The following ITIH5 variants were observed in gnomAD, a reference collection of about 807,000 sequenced individuals.
ITIH5 encodes the protein inter-alpha-trypsin inhibitor heavy chain 5.
In ITIH5, 65 loss-of-function variants were observed where a neutral mutation model predicts 77.5. The observed-to-expected ratio is 0.84, with a 90% CI of 0.69 to 1.03. ITIH5 has a LOEUF of 1.03. Ranked by LOEUF, ITIH5 falls within the 50% of genes least tolerant of loss-of-function variation. ITIH5 has a pLI of 0.00. For synonymous variants in ITIH5, 525 were observed against 494.3 expected, an observed-to-expected ratio of 1.06 and a Z score of -0.82; for missense variants, 1,208 against 1,213.1, an observed-to-expected ratio of 1.00 and a Z score of 0.06.
At chr10:7,662,136 T>C (rs1292401926) in intron 1 of ITIH5, among the ~76,000 whole-genome samples, 1 of 152,160 alleles carries the variant, frequency 6.6e-6, no homozygotes, top group Non-Finnish European at 1.5e-5. Flanking sequence ...GGCAGGCCGA[T>C]CATCTGAGAT....
At chr10:7,583,112 C>A (rs562456944) in intron 8 of ITIH5, among the ~76,000 whole-genome samples, 2 of 152,186 alleles carry the variant, frequency 1.3e-5, no homozygotes, top group Admixed American at 6.5e-5. Flanking sequence ...AACACATATA[C>A]CTACTCTGGA....
At chr10:7,596,069 C>T (rs1832889034) in intron 7 of ITIH5, among the ~76,000 whole-genome samples, 1 of 152,202 alleles carries the variant, frequency 6.6e-6, no homozygotes, top group African/African-American at 2.4e-5. Context: ...TCCATCCCTT[C>T]AGTACAGCTG....
At chr10:7,636,985 A>C (rs1174625445) in intron 5 of ITIH5, among the ~76,000 whole-genome samples, 4 of 152,194 alleles carry the variant, frequency 2.6e-5, no homozygotes, top group Admixed American at 2.6e-4. Flanking sequence ...CGGGAGGCGG[A>C]GGTTGCAGTG....
chr10:7,586,114 G>A (rs772006213), intron 7 of ITIH5, 45 bp from the exon 8 acceptor site: 2 of 1,539,792 alleles, frequency 1.3e-6, no homozygotes, highest in South Asian at 2.5e-5. Flanking sequence ...GCTCACATAA[G>A]TCCACTTGTC....
Position 7,567,283 on chromosome 10 carries a change from AC to A in ITIH5, c.2150-877del, listed in dbSNP as rs978562070. Among the ~76,000 whole-genome samples, 12 of 151,560 alleles carry A rather than the reference AC, an allele frequency of 7.9e-5. No individual in the cohort carries two copies. The South Asian group carries it at 2.5e-3, about 32-fold the overall frequency. On this transcript the variant is annotated intron_variant, in intron 12 of 13. Transcript: ENST00000397146. ...TATATGACCCTGATACATATTTTGT[AC>A]CTACCAGAGGCTGCTGATCCTAATT...
At chr10:7,649,338 G>A (rs1834056921) in intron 2 of ITIH5, among the ~76,000 whole-genome samples, 1 of 147,428 alleles carries the variant, frequency 6.8e-6, no homozygotes, top group South Asian at 2.1e-4. Flanking sequence ...CTTCTTCTTT[G>A]CATTAGAAAG....
intron 2 of ITIH5, among the ~76,000 whole-genome samples, chr10:7,648,007 G>T (rs534896310): frequency 6.6e-6 from 1 of 152,084 alleles, no homozygotes; most frequent in South Asian, 2.1e-4. Flanking sequence ...ACTTTAGGAG[G>T]CTGAAGCAGG....
At chr10:7,653,223 T>A (rs1834128984) in intron 2 of ITIH5, among the ~76,000 whole-genome samples, 1 of 152,200 alleles carries the variant, frequency 6.6e-6, no homozygotes, top group South Asian at 2.1e-4. Context: ...AAGGTTGTTT[T>A]TGAGACAGAG....
intron 4 of ITIH5, among the ~76,000 whole-genome samples, chr10:7,638,542 T>C (rs898608655): frequency 1.6e-4 from 24 of 152,234 alleles, no homozygotes; most frequent in African/African-American, 5.8e-4. Flanking sequence ...AAAGGAAAAG[T>C]ATTTTGACCT....
At chr10:7,617,364 G>C (rs1833390650) in intron 5 of ITIH5, 82 bp from the exon 6 acceptor site, 2 of 892,218 alleles carry the variant, frequency 2.2e-6, no homozygotes, top group Non-Finnish European at 3.2e-6. Flanking sequence ...CAGACACAGA[G>C]TTTTAGATTT....
At chr10:7,626,549 C>G (rs143603389) in intron 5 of ITIH5, among the ~76,000 whole-genome samples, 1 of 152,154 alleles carries the variant, frequency 6.6e-6, no homozygotes, top group African/African-American at 2.4e-5. Flanking sequence ...CCCTTCCAGC[C>G]GCAGAGCAGA....
chr10:7,642,157 C>T, intron 2 of ITIH5, 67 bp from the exon 3 acceptor site: 11 of 996,816 alleles, frequency 1.1e-5, no homozygotes, highest in Middle Eastern at 2.4e-4. Flanking sequence ...AGTGGAACAT[C>T]TTTTTTTTTT....
intron 1 of ITIH5, among the ~76,000 whole-genome samples, chr10:7,666,342 T>C (rs576837264): frequency 4.6e-5 from 7 of 152,046 alleles, no homozygotes. Context: ...AATGGGAAAG[T>C]CGTGTTCTCC....
chr10:7,584,308 TTC>T (rs1491422098), intron 8 of ITIH5, among the ~76,000 whole-genome samples: 6 of 137,224 alleles, frequency 4.4e-5, no homozygotes, highest in African/African-American at 1.5e-4. Context: ...TCTTTTTTTT[TTC>T]TTTTTTTTTT....
intron 8 of ITIH5, among the ~76,000 whole-genome samples, chr10:7,583,786 C>T (rs1375418465): frequency 6.6e-6 from 1 of 152,124 alleles, no homozygotes; most frequent in Non-Finnish European, 1.5e-5. Flanking sequence ...GGCAGAGGGA[C>T]GGATTAGCTT....
At chr10:7,586,143 C>G (rs1832674615) in intron 7 of ITIH5, 74 bp from the exon 8 acceptor site, 2 of 1,322,278 alleles carry the variant, frequency 1.5e-6, no homozygotes, top group South Asian at 3.0e-5. Context: ...TAGAAACCGC[C>G]CCCGCCCCCC....
chr10:7,572,401 G>GA (rs769836754), intron 11 of ITIH5: 26 of 1,362,966 alleles, frequency 1.9e-5, no homozygotes, highest in African/African-American at 1.3e-4. Flanking sequence ...GCCACGAACT[G>GA]AAAAAAATGA....
At position 7,562,825 on chromosome 10, in the gene ITIH5, C is replaced by G. The variant is rs756955210; in HGVS notation, c.*258G>C. On this transcript the variant is annotated 3_prime_UTR_variant, in exon 14 of 14. Transcript: ENST00000397146. ...TGCATTTAGCTATGACCCTTCTCTCCCCTCTGTGGATGTGGGCAGGGTGGG... is the reference window on the plus strand; with the variant it reads ...TGCATTTAGCTATGACCCTTCTCTCGCCTCTGTGGATGTGGGCAGGGTGGG... 1.9e-6 allele frequency: 1 copy of G among 540,160 alleles called. No homozygotes were observed. Among genetic ancestry groups the G allele is most frequent in the Non-Finnish European group, 3.3e-6 (1 of 299,456 alleles). The allele number at this position is 540,160 out of a possible 1,614,324, so 33.5% of individuals were successfully genotyped here. A position where few individuals can be genotyped will look rare whatever the true frequency, so the allele number is the denominator to read the frequency against.
At chr10:7,565,562 A>G (rs946744638) in intron 13 of ITIH5, among the ~76,000 whole-genome samples, 21 of 149,386 alleles carry the variant, frequency 1.4e-4, no homozygotes, top group African/African-American at 4.6e-4. Context: ...ACATATATAC[A>G]TACAGACGGT....
Sources: allele counts gnomAD v4.1 joint callset (sites outside exome capture counted in the v4.1 genomes callset), GRCh38; gene constraint gnomAD v4.1.1; transcripts MANE v1.5; gene names NCBI Gene and HGNC (gene_info 2026-07-23, HGNC 2026-07-21).